BMPR1B: variants seen among roughly 807,000 people sequenced by gnomAD.
The protein encoded by BMPR1B is bone morphogenetic protein receptor type 1B, also known as bone morphogenetic protein receptor type-1B.
Under a neutral mutation model 59.1 loss-of-function variants are expected in BMPR1B, and 12 were observed. The observed-to-expected ratio is 0.20, with a 90% CI of 0.13 to 0.33. BMPR1B has a LOEUF of 0.33. Among genes scored for constraint, BMPR1B ranks in the 10% least tolerant of loss-of-function variants. The pLI is 1.00. For missense variants in BMPR1B, 550 were observed against 610.9 expected, an observed-to-expected ratio of 0.90 and a Z score of 1.05; for synonymous variants, 237 against 207.3, an observed-to-expected ratio of 1.14 and a Z score of -1.23.
chr4:95,149,727 G>C (rs1486603290), intron 11 of BMPR1B, among the ~76,000 whole-genome samples: 1 of 152,150 alleles, frequency 6.6e-6, no homozygotes, highest in East Asian at 1.9e-4. Flanking sequence ...GCCAATTTAA[G>C]TCTATCTTCA....
At chr4:94,780,728 G>A (rs4699691) in intron 1 of BMPR1B, among the ~76,000 whole-genome samples, 63,609 of 133,394 alleles carry the variant, frequency 0.48, 15,061 homozygotes, top group Middle Eastern at 0.65. Flanking sequence ...TCGCTCTGTC[G>A]CCCAGGCTGG....
chr4:94,917,240 C>T (rs987330722), intron 2 of BMPR1B, among the ~76,000 whole-genome samples: 3 of 152,184 alleles, frequency 2.0e-5, no homozygotes, highest in Non-Finnish European at 2.9e-5. Context: ...CACAGCATTC[C>T]CAGTGGGGCA....
chr4:94,882,009 G>T (rs1037124474), intron 2 of BMPR1B, among the ~76,000 whole-genome samples: 1 of 152,182 alleles, frequency 6.6e-6, no homozygotes, highest in African/African-American at 2.4e-5. Flanking sequence ...ATCTCTAAAA[G>T]ATTGTGATTC....
At chr4:95,065,728 A>G (rs1358176984) in intron 3 of BMPR1B, among the ~76,000 whole-genome samples, 1 of 152,142 alleles carries the variant, frequency 6.6e-6, no homozygotes, top group Non-Finnish European at 1.5e-5. Context: ...TCAGCTTGAA[A>G]CATGGATTTT....
At chr4:94,807,429 G>C (rs914527018) in intron 1 of BMPR1B, among the ~76,000 whole-genome samples, 2 of 152,072 alleles carry the variant, frequency 1.3e-5, no homozygotes, top group African/African-American at 4.8e-5. Context: ...CTGGGTTTTG[G>C]GGGAGAGGTG....
chr4:95,061,264 A>G (rs1008593335), intron 3 of BMPR1B, among the ~76,000 whole-genome samples: 1 of 152,010 alleles, frequency 6.6e-6, no homozygotes, highest in Non-Finnish European at 1.5e-5. Context: ...ATATAAAATT[A>G]AAAGAGAGTA....
intron 1 of BMPR1B, among the ~76,000 whole-genome samples, chr4:94,801,272 T>A (rs935295862): frequency 2.0e-5 from 3 of 152,214 alleles, no homozygotes; most frequent in African/African-American, 7.2e-5. Context: ...GGTAAGAAAC[T>A]ACTACAACTA....
chr4:95,002,256 T>C (rs1165413133), intron 3 of BMPR1B, among the ~76,000 whole-genome samples: 2 of 152,214 alleles, frequency 1.3e-5, no homozygotes, highest in Non-Finnish European at 2.9e-5. Context: ...TGTTCCTATA[T>C]TAATTCACTT....
At chr4:94,814,616 G>T (rs143242543) in intron 1 of BMPR1B, among the ~76,000 whole-genome samples, 24 of 152,216 alleles carry the variant, frequency 1.6e-4, no homozygotes, top group African/African-American at 5.5e-4. Flanking sequence ...TTATTTAATT[G>T]TTGTGAGAAT....
chr4:95,111,777 G>T (rs1304514988), intron 4 of BMPR1B, among the ~76,000 whole-genome samples: 1 of 151,956 alleles, frequency 6.6e-6, no homozygotes, highest in East Asian at 1.9e-4. Flanking sequence ...CTTTGCTTTT[G>T]GAATATTTGG....
intron 2 of BMPR1B, among the ~76,000 whole-genome samples, chr4:94,978,266 A>G (rs1030756975): frequency 8.5e-5 from 13 of 152,166 alleles, no homozygotes; most frequent in African/African-American, 3.1e-4. Flanking sequence ...CAATTTTATC[A>G]CCTTTTAAGG....
At chr4:95,123,015 C>G (rs543375240) in intron 6 of BMPR1B, among the ~76,000 whole-genome samples, 1 of 152,006 alleles carries the variant, frequency 6.6e-6, no homozygotes, top group Non-Finnish European at 1.5e-5. Context: ...TAAAATTTAC[C>G]TGGGATGATT....
chr4:95,015,245 G>A (rs920791905), intron 3 of BMPR1B, among the ~76,000 whole-genome samples: 1 of 152,144 alleles, frequency 6.6e-6, no homozygotes, highest in African/African-American at 2.4e-5. Context: ...ACTGAAAAAT[G>A]TTCTTGACAA....
At chr4:94,892,746 T>C (rs1479202642) in intron 2 of BMPR1B, among the ~76,000 whole-genome samples, 5 of 152,096 alleles carry the variant, frequency 3.3e-5, no homozygotes, top group African/African-American at 7.2e-5. Flanking sequence ...CATTTAACTA[T>C]CAGCTTTTGA....
intron 2 of BMPR1B, among the ~76,000 whole-genome samples, chr4:94,946,179 A>C (rs1046172972): frequency 6.6e-6 from 1 of 152,186 alleles, no homozygotes; most frequent in Admixed American, 6.5e-5. Context: ...TATTTGTGTT[A>C]TCTCTTACGA....
intron 1 of BMPR1B, among the ~76,000 whole-genome samples, chr4:94,848,466 G>A (rs1335251366): frequency 6.6e-6 from 1 of 152,146 alleles, no homozygotes; most frequent in Non-Finnish European, 1.5e-5. Context: ...GCAGCAATGT[G>A]CCCAATGCGC....
At chr4:94,807,650 A>G (rs17022274) in intron 1 of BMPR1B, among the ~76,000 whole-genome samples, 2,240 of 152,274 alleles carry the variant, frequency 0.015, 64 homozygotes, top group African/African-American at 0.051. Context: ...GTCCAGCAAT[A>G]TGTTTAATTG....
At chr4:94,837,408 C>A (rs1181070295) in intron 1 of BMPR1B, among the ~76,000 whole-genome samples, 1 of 102,292 alleles carries the variant, frequency 9.8e-6, no homozygotes, top group African/African-American at 5.2e-5. Context: ...AATGTTCTTC[C>A]ATTTGTTTGT....
At chr4:94,831,258 A>C (rs1479397040) in intron 1 of BMPR1B, among the ~76,000 whole-genome samples, 4 of 151,794 alleles carry the variant, frequency 2.6e-5, no homozygotes, top group African/African-American at 7.3e-5. Context: ...AAAACGTAGA[A>C]GAAAGCTTAT....
Sources: allele counts gnomAD v4.1 joint callset (sites outside exome capture counted in the v4.1 genomes callset), GRCh38; gene constraint gnomAD v4.1.1; transcripts MANE v1.5; gene names NCBI Gene and HGNC (gene_info 2026-07-23, HGNC 2026-07-21).